The following PTPRG variants were observed in gnomAD, a reference collection of about 807,000 sequenced individuals.
The protein encoded by PTPRG is protein tyrosine phosphatase receptor type G.
In PTPRG, 102 loss-of-function variants were observed where a neutral mutation model predicts 165.3. That is an observed-to-expected ratio of 0.62 (90% CI 0.53 to 0.73). The LOEUF is 0.73. Among genes scored for constraint, PTPRG ranks in the 30% least tolerant of loss-of-function variants. The probability of loss-of-function intolerance (pLI) is 0.00; values close to 1 mark genes in which losing one functional copy is unlikely to be tolerated. For synonymous variants in PTPRG, 675 were observed against 669.5 expected, an observed-to-expected ratio of 1.01 and a Z score of -0.13; for missense variants, 1,866 against 1,861.4, an observed-to-expected ratio of 1.00 and a Z score of -0.05.
chr3:61,753,584 G>GTTTTT (rs780560728), intron 2 of PTPRG: 24 of 350,932 alleles, frequency 6.8e-5, no homozygotes, highest in East Asian at 3.8e-4. Context: ...GAAATTTGAG[G>GTTTTT]GTTTTTTTTT....
intron 2 of PTPRG, among the ~76,000 whole-genome samples, chr3:61,807,403 G>A (rs1182369926): frequency 6.6e-6 from 1 of 152,160 alleles, no homozygotes; most frequent in Non-Finnish European, 1.5e-5. Context: ...TGGTATGCCA[G>A]TGACATTGTC....
At chr3:62,168,611 A>G (rs949930705) in intron 8 of PTPRG, among the ~76,000 whole-genome samples, 1 of 152,178 alleles carries the variant, frequency 6.6e-6, no homozygotes, top group Non-Finnish European at 1.5e-5. Flanking sequence ...GCTCAGACAC[A>G]TAAGGTCTAG....
chr3:61,726,640 C>T (rs1276958977), intron 1 of PTPRG, among the ~76,000 whole-genome samples: 3 of 152,148 alleles, frequency 2.0e-5, no homozygotes, highest in Non-Finnish European at 4.4e-5. Flanking sequence ...GTTTCGATGC[C>T]TGAAGTTTTG....
At chr3:62,181,166 A>G (rs1165642681) in intron 8 of PTPRG, among the ~76,000 whole-genome samples, 1 of 152,176 alleles carries the variant, frequency 6.6e-6, no homozygotes, top group Non-Finnish European at 1.5e-5. Context: ...TTAAAACTTG[A>G]AAGCAGTTGT....
chr3:61,684,050 C>G (rs1409990970), intron 1 of PTPRG, among the ~76,000 whole-genome samples: 1 of 152,216 alleles, frequency 6.6e-6, no homozygotes, highest in East Asian at 1.9e-4. Context: ...TTGAGATTCC[C>G]TGGAGACTAA....
At chr3:61,933,415 A>ACTC in intron 2 of PTPRG, among the ~76,000 whole-genome samples, 1 of 152,246 alleles carries the variant, frequency 6.6e-6, no homozygotes, top group South Asian at 2.1e-4. Flanking sequence ...CCACTGTAAG[A>ACTC]CTCAGTTTTC....
chr3:61,974,320 G>A (rs11918984), intron 2 of PTPRG, among the ~76,000 whole-genome samples: 66,589 of 151,850 alleles, frequency 0.44, 15,207 homozygotes, highest in African/African-American at 0.59. Flanking sequence ...TTGGGAGGCT[G>A]AGGTGGGCAG....
chr3:61,894,301 C>CAAAAAAAAAAAAAAAAA (rs767479285), intron 2 of PTPRG, among the ~76,000 whole-genome samples: 8 of 49,848 alleles, frequency 1.6e-4, no homozygotes, highest in African/African-American at 5.3e-4. Flanking sequence ...GACTCTGTGT[C>CAAAAAAAAAAAAAAAAA]AAAAAAAAAA....
intron 1 of PTPRG, among the ~76,000 whole-genome samples, chr3:61,621,051 A>ATATATATATATATATATATG: frequency 8.5e-6 from 1 of 117,944 alleles, no homozygotes; most frequent in Non-Finnish European, 1.8e-5. Context: ...ATATATATAT[A>ATATATATATATATATATATG]TGTGTGTGTG....
At chr3:62,050,925 C>T (rs1700450730) in intron 4 of PTPRG, among the ~76,000 whole-genome samples, 1 of 152,180 alleles carries the variant, frequency 6.6e-6, no homozygotes, top group Non-Finnish European at 1.5e-5. Flanking sequence ...TCTATTAATA[C>T]TCCGACTTTG....
chr3:62,282,675 G>A, intron 27 of PTPRG, 52 bp from the exon 28 acceptor site: 1 of 1,552,982 alleles, frequency 6.4e-7, no homozygotes, highest in Non-Finnish European at 8.7e-7. Context: ...TCATTAGATT[G>A]TAGATATGTG....
At chr3:61,562,949 C>T (rs1032924559) in intron 1 of PTPRG, among the ~76,000 whole-genome samples, 23 of 151,964 alleles carry the variant, frequency 1.5e-4, no homozygotes, top group African/African-American at 5.3e-4. Context: ...GGGCGTCCTC[C>T]CTCTCTCTGG....
chr3:62,144,509 A>G (rs560785892), intron 6 of PTPRG, among the ~76,000 whole-genome samples: 5 of 152,354 alleles, frequency 3.3e-5, no homozygotes, highest in Admixed American at 2.0e-4. Context: ...ACATCTCAAC[A>G]TGCAACAAAG....
At chr3:62,029,288 T>C (rs1381132395) in intron 4 of PTPRG, among the ~76,000 whole-genome samples, 1 of 151,954 alleles carries the variant, frequency 6.6e-6, no homozygotes, top group Non-Finnish European at 1.5e-5. Flanking sequence ...TAGAGTCCAT[T>C]TGGAGACACT....
At chr3:61,993,902 C>A (rs768138212) in intron 3 of PTPRG, among the ~76,000 whole-genome samples, 1 of 152,018 alleles carries the variant, frequency 6.6e-6, no homozygotes, top group Non-Finnish European at 1.5e-5. Flanking sequence ...CAGACAGTAA[C>A]TCTCCCATAA....
intron 1 of PTPRG, among the ~76,000 whole-genome samples, chr3:61,638,591 GTTTTTTTTT>G (rs34396141): frequency 2.6e-4 from 15 of 58,716 alleles, no homozygotes; most frequent in South Asian, 1.9e-3. Context: ...TGCCTGGCTA[GTTTTTTTTT>G]TTTTTTTTTT....
chr3:61,763,006 T>C (rs889219955), intron 2 of PTPRG, among the ~76,000 whole-genome samples: 1 of 152,150 alleles, frequency 6.6e-6, no homozygotes. Context: ...CCCTTTCTTA[T>C]GTCTCTGTTG....
intron 1 of PTPRG, among the ~76,000 whole-genome samples, chr3:61,596,582 C>G (rs988468915): frequency 8.5e-5 from 13 of 152,114 alleles, no homozygotes; most frequent in African/African-American, 3.1e-4. Flanking sequence ...TAGTGTAACA[C>G]TTCTCTCATT....
intron 1 of PTPRG, among the ~76,000 whole-genome samples, chr3:61,724,535 A>G (rs1254267493): frequency 1.3e-5 from 2 of 152,016 alleles, no homozygotes; most frequent in Non-Finnish European, 2.9e-5. Flanking sequence ...GGTGTATGGT[A>G]AATGTATATT....
Sources: allele counts gnomAD v4.1 joint callset (sites outside exome capture counted in the v4.1 genomes callset), GRCh38; gene constraint gnomAD v4.1.1; transcripts MANE v1.5; gene names NCBI Gene and HGNC (gene_info 2026-07-23, HGNC 2026-07-21).